The following ARMC10 variants were observed in gnomAD, a reference collection of about 807,000 sequenced individuals.
ARMC10 encodes armadillo repeat containing 10.
Under a neutral mutation model 30.2 loss-of-function variants are expected in ARMC10, and 23 were observed. The observed-to-expected ratio is 0.76, with a 90% CI of 0.55 to 1.08. ARMC10 has a LOEUF of 1.08. Among genes scored for constraint, ARMC10 ranks in the 50% least tolerant of loss-of-function variants. The pLI is 0.00. For missense variants in ARMC10, 303 were observed against 413.7 expected (o/e 0.73, Z 2.32); for synonymous variants, 111 against 164.4 (o/e 0.68, Z 2.48).
At chr7:103,077,590 C>T (rs766882452) in intron 2 of ARMC10, among the ~76,000 whole-genome samples, 1 of 152,174 alleles carries the variant, frequency 6.6e-6, no homozygotes, top group Non-Finnish European at 1.5e-5. Flanking sequence ...TTCATGAGGA[C>T]AGACCCCTCA....
chr7:103,099,430 C>T lies in ARMC10; in HGVS notation c.*877C>T, dbSNP rs1802050215. 2 of 142,368 alleles carry T rather than the reference C, an allele frequency of 1.4e-5. No homozygotes were observed. The highest frequency in any genetic ancestry group is 3.1e-5 in the Non-Finnish European group (2 of 65,330). 8.8% of individuals were successfully genotyped at this position (142,368 alleles called of 1,614,324 possible). A position where few individuals can be genotyped will look rare whatever the true frequency, so the allele number is the denominator to read the frequency against. ...AGGTTGCAGTGAGCTGAGATAGCGC[C>T]ATTGCACTCCAGCCTGGGCAACAAG... On this transcript the variant is annotated 3_prime_UTR_variant, in exon 7 of 7. Coordinates refer to ENST00000323716, the MANE Select transcript of ARMC10 (RefSeq NM_031905.5).
intron 3 of ARMC10, among the ~76,000 whole-genome samples, chr7:103,084,461 G>A (rs950735556): frequency 1.3e-5 from 2 of 152,132 alleles, no homozygotes; most frequent in African/African-American, 2.4e-5. Context: ...GCTTTCTCCA[G>A]AATGGCAAGG....
chr7:103,092,601 G>A lies in ARMC10; in HGVS notation c.653G>A (p.Ser218Asn). The A allele has an allele frequency of 2.5e-6, 4 of 1,607,408 alleles. No homozygotes were observed. The highest frequency in any genetic ancestry group is 3.4e-6 in the Non-Finnish European group (4 of 1,174,630). ...AATGACCACCAGCACATGCTTCACA[G>A]TTACATTACAGACCTGTTCCAGGTG... Reference protein sequence around the residue: ...VTNDHQHMLHSYITDLFQVLL... With the variant: ...VTNDHQHMLHNYITDLFQVLL... Residue 218 changes from serine to asparagine, a missense_variant, in exon 5 of 7, where the codon AGT becomes AAT. This residue lies in a region of ARMC10 where 170 missense variants were observed against 207.2 expected (regional missense o/e 0.82). Transcript: ENST00000323716.
In ARMC10 at chr7:103,084,415, C is replaced by A. The variant is rs146835280; in HGVS notation, c.393+585C>A. On this transcript the variant is annotated intron_variant, in intron 3 of 6. Coordinates refer to ENST00000323716, the MANE Select transcript of ARMC10 (RefSeq NM_031905.5). ...CCCTTTGTTAACATTGTCATAAGTA[C>A]AAAATTATTTTGAATTTATAGTTTT... is the stretch of plus-strand genomic sequence containing the variant. Among the ~76,000 whole-genome samples, 393 of 152,226 alleles carry A rather than the reference C, an allele frequency of 2.6e-3. 4 individuals are homozygous for A. Among genetic ancestry groups the A allele is most frequent in the African/African-American group, 9.0e-3 (372 of 41,544 alleles).
At chr7:103,075,473 G>C in intron 1 of ARMC10, 62 bp downstream of exon 1, 1 of 1,264,064 alleles carries the variant, frequency 7.9e-7, no homozygotes, top group South Asian at 3.6e-5. Flanking sequence ...CCCAGGCCGG[G>C]GTGGTGGCTT....
intron 1 of ARMC10, 48 bp from the exon 2 acceptor site, chr7:103,075,729 G>T (rs1458020033): frequency 7.2e-7 from 1 of 1,395,000 alleles, no homozygotes; most frequent in Non-Finnish European, 9.7e-7. Flanking sequence ...CCCGATTGTG[G>T]AAGGGCTGTT....
rs771688358 is a variant in ARMC10 at position 103,075,882 on chromosome 7, G to A, written c.244+1G>A. On this transcript the variant is annotated splice_donor_variant, in intron 2 of 6. Transcript: ENST00000323716. LOFTEE classifies it high-confidence loss of function. ...CAGTGGTCCAAGACCTCGCAGCCTG[G>A]TGTGTGTTTTGGAAATGGGAACAGT... The A allele has an allele frequency of 6.3e-7, 1 of 1,591,076 alleles. No homozygotes were observed. The highest frequency in any genetic ancestry group is 8.6e-7 in the Non-Finnish European group (1 of 1,167,664).
At chr7:103,076,047 C>T (rs1368612063) in intron 2 of ARMC10, among the ~76,000 whole-genome samples, 166 bp downstream of exon 2, 2 of 152,218 alleles carry the variant, frequency 1.3e-5, no homozygotes, top group Non-Finnish European at 2.9e-5. Context: ...AATATCATAT[C>T]TGCCATCCAA....
chr7:103,091,753 C>T (rs1379790123), intron 4 of ARMC10, among the ~76,000 whole-genome samples: 1 of 152,186 alleles, frequency 6.6e-6, no homozygotes, highest in Non-Finnish European at 1.5e-5. Context: ...GAAAGGTGGA[C>T]TAAGATGGGA....
chr7:103,083,634 C>T, intron 2 of ARMC10, 48 bp from the exon 3 acceptor site: 2 of 1,536,080 alleles, frequency 1.3e-6, no homozygotes, highest in South Asian at 2.3e-5. Context: ...TCAAAAATAA[C>T]CTCGTATTGA....
At chr7:103,088,952 G>T (rs972017471) in intron 4 of ARMC10, 5 of 152,508 alleles carry the variant, frequency 3.3e-5, no homozygotes, top group African/African-American at 1.2e-4. Context: ...CAAACAATTC[G>T]CATATTTACT....
At chr7:103,092,775 A>G (rs1026647188) in intron 5 of ARMC10, 122 bp downstream of exon 5, 10 of 661,974 alleles carry the variant, frequency 1.5e-5, no homozygotes, top group South Asian at 5.0e-5. Context: ...CCAAGAAAGT[A>G]TATTATTTTT....
chr7:103,095,684 C>G (rs577148802), intron 5 of ARMC10: 6 of 151,948 alleles, frequency 3.9e-5, no homozygotes, highest in African/African-American at 1.5e-4. Flanking sequence ...GGAACCAACC[C>G]GAATGTCCAA....
At chr7:103,080,759 C>G (rs950246185) in intron 2 of ARMC10, among the ~76,000 whole-genome samples, 1 of 151,928 alleles carries the variant, frequency 6.6e-6, no homozygotes, top group Non-Finnish European at 1.5e-5. Flanking sequence ...TCCGGAGTAG[C>G]TGAGATTACA....
At position 103,075,245 on chromosome 7, in the gene ARMC10, G is replaced by A; in HGVS notation, c.-28G>A. On this transcript the variant is annotated 5_prime_UTR_variant, in exon 1 of 7. Transcript: ENST00000323716. ...CCCCGCGAGCCTCCTGCCCTGGCCC[G>A]GCGCTGCGGCTCTGCCGCGGCGGCA... is the stretch of plus-strand genomic sequence containing the variant. The A allele has an allele frequency of 8.6e-7, 1 of 1,169,292 alleles. No individual in the cohort carries two copies. The highest frequency in any genetic ancestry group is 1.1e-6 in the Non-Finnish European group (1 of 947,948). The allele number at this position is 1,169,292 out of a possible 1,614,324, so 72.4% of individuals were successfully genotyped here.
At chr7:103,076,727 C>T (rs928279589) in intron 2 of ARMC10, among the ~76,000 whole-genome samples, 6 of 152,122 alleles carry the variant, frequency 3.9e-5, no homozygotes, top group Non-Finnish European at 8.8e-5. Context: ...CCCAGCTACT[C>T]AGGAGGCTGA....
In ARMC10 at chr7:103,075,991, C is replaced by A. The variant is rs1799755046; in HGVS notation, c.244+110C>A. 4.3e-6 allele frequency: 3 copies of A among 692,904 alleles called. No homozygotes were observed. In the African/African-American group the frequency reaches 5.5e-5, roughly 13 times the overall value. The allele number at this position is 692,904 out of a possible 1,614,324, so 42.9% of individuals were successfully genotyped here. ...AGTTGATCGGTACATTAAAACCCTC[C>A]AAAGGCATGTTTCACATCATGGAAG... is the stretch of plus-strand genomic sequence containing the variant. On this transcript the variant is annotated intron_variant, in intron 2 of 6. Coordinates refer to ENST00000323716, the MANE Select transcript of ARMC10 (RefSeq NM_031905.5).
chr7:103,096,334 T>G (rs1035820886), intron 5 of ARMC10: 8 of 152,188 alleles, frequency 5.3e-5, no homozygotes, highest in African/African-American at 1.9e-4. Flanking sequence ...GACCCCCATC[T>G]CAATCAATCA....
chr7:103,084,710 C>T (rs1800679936), intron 3 of ARMC10, among the ~76,000 whole-genome samples: 1 of 152,180 alleles, frequency 6.6e-6, no homozygotes, highest in Non-Finnish European at 1.5e-5. Flanking sequence ...TTGCTTATGG[C>T]CGCTCAATTT....
Sources: gnomAD v4.1 joint callset for allele counts (sites outside exome capture counted in the v4.1 genomes callset) on GRCh38, gnomAD v4.1.1 for gene constraint, gnomAD v4.1.1 regional missense constraint, MANE v1.5 for transcripts, NCBI Gene and HGNC (gene_info 2026-07-23, HGNC 2026-07-21) for gene names.